PALS2: variants seen among roughly 807,000 people sequenced by gnomAD.
PALS2 encodes the protein protein PALS2.
A neutral mutation model predicts 61.6 loss-of-function variants in PALS2; 27 were observed. That is an observed-to-expected ratio of 0.44 (90% CI 0.32 to 0.60). PALS2 has a LOEUF of 0.60. Ranked by LOEUF, PALS2 falls within the 20% of genes least tolerant of loss-of-function variation. The pLI is 0.05. For synonymous variants in PALS2, 236 were observed against 218.6 expected (o/e 1.08, Z -0.70); for missense variants, 554 against 639.4 (o/e 0.87, Z 1.44).
In PALS2 at chr7:24,634,482, G is replaced by A. The variant is rs551592163; in HGVS notation, c.118-7234G>A. On this transcript the variant is annotated intron_variant, in intron 2 of 11. Coordinates refer to ENST00000222644, the MANE Select transcript of PALS2 (RefSeq NM_001303037.2). ...CCTGACCTCGTGATCCATCCGCCTC[G>A]GCCTCCTAAAGTGCTGGGATTACAG... Among the ~76,000 whole-genome samples, 25 of 152,156 alleles carry A rather than the reference G, an allele frequency of 1.6e-4. No individual in the cohort carries two copies. In the South Asian group the frequency reaches 5.0e-3, roughly 30 times the overall value.
At chr7:24,681,614 CT>C (rs1787935896) in intron 11 of PALS2, among the ~76,000 whole-genome samples, 1 of 149,244 alleles carries the variant, frequency 6.7e-6, no homozygotes, top group Non-Finnish European at 1.5e-5. Flanking sequence ...TCACCTAAAT[CT>C]TTTGCCAGCT....
chr7:24,672,273 G>T lies in PALS2; in HGVS notation c.1114+3613G>T, dbSNP rs534849631. 1.3e-3 allele frequency among the ~76,000 whole-genome samples: 201 copies of T among 151,636 alleles called. 1 individual carries two copies. The highest frequency in any genetic ancestry group is 6.1e-3 in the Admixed American group (93 of 15,240). ...GATGGAGTCTTGCTCTGTTGCCCAGGCTGGAGTGCAATGGCATGATCTCGG... is the reference window on the plus strand; with the variant it reads ...GATGGAGTCTTGCTCTGTTGCCCAGTCTGGAGTGCAATGGCATGATCTCGG... On this transcript the variant is annotated intron_variant, in intron 9 of 11. Transcript: ENST00000222644.
chr7:24,659,447 C>G (rs1198806792), intron 5 of PALS2, among the ~76,000 whole-genome samples: 1 of 152,218 alleles, frequency 6.6e-6, no homozygotes, highest in African/African-American at 2.4e-5. Context: ...AGTGGCTGAA[C>G]TAATTTACAT....
Position 24,668,803 on chromosome 7 carries a change from T to G in PALS2, c.1114+143T>G, listed in dbSNP as rs1311173946. 2.0e-5 allele frequency: 20 copies of G among 1,025,632 alleles called. No individual in the cohort carries two copies. In the Admixed American group the frequency reaches 5.3e-4, roughly 27 times the overall value. 63.5% of individuals were successfully genotyped at this position (1,025,632 alleles called of 1,614,324 possible). On this transcript the variant is annotated intron_variant, in intron 9 of 11. Coordinates refer to ENST00000222644, the MANE Select transcript of PALS2 (RefSeq NM_001303037.2). ...AGTGAAAGTGAACAAGTAAAAGACA[T>G]TGAAAAATTTAGTAATTCTGTAGCT...
intron 9 of PALS2, among the ~76,000 whole-genome samples, chr7:24,675,284 A>G (rs1787505405): frequency 6.6e-6 from 1 of 152,168 alleles, no homozygotes; most frequent in South Asian, 2.1e-4. Context: ...AATTTTTAAA[A>G]TTAATGTTCA....
At chr7:24,617,603 CTT>C (rs1784338271) in intron 1 of PALS2, among the ~76,000 whole-genome samples, 2 of 151,946 alleles carry the variant, frequency 1.3e-5, no homozygotes, top group Admixed American at 6.6e-5. Flanking sequence ...TGTGTAGTCT[CTT>C]TGCAGATTCT....
intron 2 of PALS2, among the ~76,000 whole-genome samples, chr7:24,636,582 T>G (rs1785249277): frequency 6.6e-6 from 1 of 152,186 alleles, no homozygotes; most frequent in Non-Finnish European, 1.5e-5. Flanking sequence ...ATATGGTAAT[T>G]ACCCCATTTG....
intron 2 of PALS2, among the ~76,000 whole-genome samples, chr7:24,632,128 T>C (rs1785022399): frequency 6.6e-6 from 1 of 152,234 alleles, no homozygotes; most frequent in Non-Finnish European, 1.5e-5. Flanking sequence ...TAATGCTCTT[T>C]TGTTAAACAC....
chr7:24,637,961 TA>T (rs1309371909), intron 2 of PALS2, among the ~76,000 whole-genome samples: 2 of 152,138 alleles, frequency 1.3e-5, no homozygotes, highest in Non-Finnish European at 2.9e-5. Context: ...CTCTTTAATT[TA>T]AAAAAAGAAA....
chr7:24,611,052 T>C (rs1784092380), intron 1 of PALS2, among the ~76,000 whole-genome samples: 1 of 152,168 alleles, frequency 6.6e-6, no homozygotes, highest in Non-Finnish European at 1.5e-5. Context: ...AAAGGATTTT[T>C]AATATTAAAA....
intron 1 of PALS2, chr7:24,620,329 A>T (rs1784446992): frequency 6.6e-6 from 1 of 152,180 alleles, no homozygotes; most frequent in Admixed American, 6.5e-5. Flanking sequence ...TGCTTTTAGG[A>T]TAATATAGTT....
intron 1 of PALS2, among the ~76,000 whole-genome samples, chr7:24,616,915 C>T (rs558466324): frequency 6.6e-6 from 1 of 152,172 alleles, no homozygotes; most frequent in African/African-American, 2.4e-5. Flanking sequence ...TTTATCAATT[C>T]GAGGACTTTT....
intron 1 of PALS2, among the ~76,000 whole-genome samples, chr7:24,594,385 T>C (rs1362558993): frequency 1.3e-5 from 2 of 152,138 alleles, no homozygotes; most frequent in Non-Finnish European, 2.9e-5. Context: ...CCTCAAGAAC[T>C]TTTCCTTTGC....
chr7:24,640,834 CT>C (rs1352670650), intron 2 of PALS2, among the ~76,000 whole-genome samples: 15 of 152,012 alleles, frequency 9.9e-5, no homozygotes, highest in Non-Finnish European at 1.5e-4. Context: ...TGGTGAAACC[CT>C]GTCTCTACTA....
chr7:24,644,134 TACATGTAAAGGTTTGTTACATAGGTAAAC>T (rs1177534643), intron 3 of PALS2, among the ~76,000 whole-genome samples: 3 of 150,716 alleles, frequency 2.0e-5, no homozygotes, highest in Admixed American at 6.6e-5. Context: ...GGATTAGGGG[TACATGTAAAGGTTTGTTACATAGGTAAAC>T]ACATGTAATG....
chr7:24,596,262 A>AG lies in PALS2; in HGVS notation c.-3+22674dup, dbSNP rs1783520786. Among the ~76,000 whole-genome samples the AG allele has an allele frequency of 6.6e-6, 1 of 152,122 alleles. No homozygotes were observed. The highest frequency in any genetic ancestry group is 1.5e-5 in the Non-Finnish European group (1 of 68,024). On this transcript the variant is annotated intron_variant, in intron 1 of 11. Coordinates refer to ENST00000222644, the MANE Select transcript of PALS2 (RefSeq NM_001303037.2). This position sits in a 1 kb window ranked among gnomAD's most constrained non-coding sequence, Gnocchi z 4.5. ...GCAAGAATTGATGGTGGCTTAGCGT[A>AG]GGGGGATAGCAGTGAATGGGCAAGG...
At chr7:24,680,355 A>G (rs771698133) in intron 10 of PALS2, 37 bp from the exon 11 acceptor site, 6 of 1,578,586 alleles carry the variant, frequency 3.8e-6, no homozygotes, top group African/African-American at 2.7e-5. Flanking sequence ...TAGTTCTAAT[A>G]TTGTATAAAT....
intron 1 of PALS2, among the ~76,000 whole-genome samples, chr7:24,604,039 A>G (rs1276034124): frequency 6.6e-6 from 1 of 152,000 alleles, no homozygotes; most frequent in African/African-American, 2.4e-5. Flanking sequence ...TTTAGAATAT[A>G]TTGAAAGAAT....
At chr7:24,642,560 C>G (rs1383645932) in intron 3 of PALS2, among the ~76,000 whole-genome samples, 1 of 152,138 alleles carries the variant, frequency 6.6e-6, no homozygotes, top group Non-Finnish European at 1.5e-5. Flanking sequence ...GACTGGGACA[C>G]TGCATTTTCG....
Sources: gnomAD v4.1 joint callset for allele counts (sites outside exome capture counted in the v4.1 genomes callset) on GRCh38, gnomAD v4.1.1 for gene constraint, Gnocchi (gnomAD v3.1) non-coding constraint, MANE v1.5 for transcripts, NCBI Gene and HGNC (gene_info 2026-07-23, HGNC 2026-07-21) for gene names.